DOCK11: variants seen among roughly 807,000 people sequenced by gnomAD.
The protein encoded by DOCK11 is dedicator of cytokinesis protein 11.
In DOCK11, 70 loss-of-function variants were observed where a neutral mutation model predicts 169.1. The ratio of observed to expected loss-of-function variants is 0.41; its 90% CI spans 0.34 to 0.51. DOCK11 has a LOEUF of 0.51. DOCK11 is among the 20% of genes least tolerant of loss of function. DOCK11 has a pLI of 0.10. For synonymous variants in DOCK11, 529 were observed against 541.3 expected (o/e 0.98, Z 0.32); for missense variants, 1,166 against 1,538.8 (o/e 0.76, Z 4.05).
chrX:118,539,843 G>A (rs1317020934), intron 1 of DOCK11, among the ~76,000 whole-genome samples: 1 of 109,228 alleles, frequency 9.2e-6, no homozygotes, highest in Non-Finnish European at 1.9e-5. Flanking sequence ...CTGAGCTCAG[G>A]AGTTCGAGAC....
At chrX:118,615,488 T>A (rs1390772535) in intron 29 of DOCK11, 112 bp from the exon 30 acceptor site, 1 of 549,695 alleles carries the variant, frequency 1.8e-6, no homozygotes, top group East Asian at 3.7e-5. Context: ...CATCTCAAGG[T>A]ATGCTTAGAA....
intron 1 of DOCK11, among the ~76,000 whole-genome samples, chrX:118,533,097 T>C (rs2011640450): frequency 9.0e-6 from 1 of 111,227 alleles, no homozygotes; most frequent in African/African-American, 3.3e-5. Context: ...GTTTAAGCGA[T>C]TCTCCCGCTT....
At chrX:118,577,624 A>G (rs993738477) in intron 12 of DOCK11, among the ~76,000 whole-genome samples, 3 of 111,696 alleles carry the variant, frequency 2.7e-5, no homozygotes, top group Non-Finnish European at 5.6e-5. Context: ...CAGGATCCTT[A>G]TAAGCTGTTT....
At position 118,636,375 on chromosome X, in the gene DOCK11, T is replaced by C. The variant is rs1211623206; in HGVS notation, c.3916T>C (p.Ser1306Pro). The change falls in exon 36 of 53, where the codon TCA (serine) becomes CCA (proline). Residue 1306 changes from serine (S) to proline (P), a missense_variant. Physicochemically the swap from Ser to Pro is moderately conservative, Grantham distance 74. Coordinates refer to ENST00000276202, the MANE Select transcript of DOCK11 (RefSeq NM_144658.4). ...DTLLTYWNKV[S>P]PQELINILIL... Reference sequence around the variant, plus strand: ...TCTCTTAACTTACTGGAATAAAGTATCACCTCAGGAGCTCATAAACATTCT... The same window carrying C: ...TCTCTTAACTTACTGGAATAAAGTACCACCTCAGGAGCTCATAAACATTCT... The C allele has an allele frequency of 3.6e-6, 4 of 1,097,464 alleles. No homozygotes were observed. In the African/African-American group the frequency reaches 7.3e-5, roughly 20 times the overall value. The allele number at this position is 1,097,464 out of a possible 1,213,427, so 90.4% of individuals were successfully genotyped here.
chrX:118,546,319 G>T (rs1305771355), intron 6 of DOCK11, among the ~76,000 whole-genome samples: 1 of 107,985 alleles, frequency 9.3e-6, no homozygotes, highest in Non-Finnish European at 1.9e-5. Context: ...GACATATAAT[G>T]TAATGATTAT....
At chrX:118,609,390 T>C in intron 27 of DOCK11, 41 bp downstream of exon 27, 2 of 983,261 alleles carry the variant, frequency 2.0e-6, no homozygotes, top group Non-Finnish European at 2.8e-6. Flanking sequence ...AATTGGCAAA[T>C]GATAATTGTA....
intron 36 of DOCK11, among the ~76,000 whole-genome samples, chrX:118,636,828 TAC>T (rs765702693): frequency 0.11 from 10,729 of 99,708 alleles, 438 homozygotes; most frequent in Middle Eastern, 0.15. Flanking sequence ...TATTTGTGTG[TAC>T]ACACACACAC....
At chrX:118,513,337 G>A (rs1434323475) in intron 1 of DOCK11, among the ~76,000 whole-genome samples, 1 of 112,432 alleles carries the variant, frequency 8.9e-6, no homozygotes, top group African/African-American at 3.2e-5. Flanking sequence ...CCAGTGGCCT[G>A]GGTGCCAAGG....
At chrX:118,527,967 T>A (rs1333934755) in intron 1 of DOCK11, among the ~76,000 whole-genome samples, 3 of 112,789 alleles carry the variant, frequency 2.7e-5, no homozygotes, top group Non-Finnish European at 5.6e-5. Context: ...CCAAAAGGTA[T>A]TGGCTGCCAA....
At chrX:118,674,603 A>G (rs1421939487) in intron 46 of DOCK11, among the ~76,000 whole-genome samples, 1 of 112,230 alleles carries the variant, frequency 8.9e-6, no homozygotes, top group African/African-American at 3.2e-5. Context: ...CCTTTTGTCT[A>G]TTATGAATAG....
At chrX:118,575,940 TCTC>T (rs1266397033) in intron 12 of DOCK11, among the ~76,000 whole-genome samples, 1 of 111,715 alleles carries the variant, frequency 9.0e-6, no homozygotes, top group African/African-American at 3.3e-5. Context: ...TTAAAAAAGA[TCTC>T]CTGTGTGCCA....
chrX:118,546,210 CAA>C lies in DOCK11; in HGVS notation c.558+114_558+115del, dbSNP rs1556269491. On this transcript the variant is annotated intron_variant, in intron 6 of 52. Coordinates refer to ENST00000276202, the MANE Select transcript of DOCK11 (RefSeq NM_144658.4). The stretch of plus-strand genomic sequence containing the variant: ...ATATTTATTTTACAAAGAGCCCTAG[CAA>C]AAAAAAAAAAAAAAAAAAAGGAGAG... The C allele has an allele frequency of 6.5e-3, 316 of 48,563 alleles. 3 individuals are homozygous for C. Among genetic ancestry groups the C allele is most frequent in the East Asian group, 0.023 (45 of 1,998 alleles). The allele number at this position is 48,563 out of a possible 1,213,427, so 4.0% of individuals were successfully genotyped here.
intron 1 of DOCK11, among the ~76,000 whole-genome samples, chrX:118,537,982 C>T (rs752874923): frequency 2.7e-5 from 3 of 111,896 alleles, no homozygotes; most frequent in South Asian, 7.4e-4. Context: ...GAGTAAGCAA[C>T]GGAAAAGTGT....
intron 6 of DOCK11, among the ~76,000 whole-genome samples, chrX:118,549,332 A>T (rs191299820): frequency 9.3e-6 from 1 of 107,880 alleles, no homozygotes; most frequent in Non-Finnish European, 1.9e-5. Flanking sequence ...TTTATTAGAG[A>T]CGGGGTCTCA....
intron 1 of DOCK11, among the ~76,000 whole-genome samples, chrX:118,502,406 C>T (rs1255192969): frequency 8.9e-6 from 1 of 112,165 alleles, no homozygotes; most frequent in African/African-American, 3.2e-5. Flanking sequence ...AAAATTCACT[C>T]TTCACAAAGC....
At chrX:118,611,955 G>A (rs1422279687) in intron 28 of DOCK11, among the ~76,000 whole-genome samples, 1 of 111,753 alleles carries the variant, frequency 8.9e-6, no homozygotes, top group Admixed American at 9.5e-5. Context: ...ATGTTGGCCT[G>A]GCTGGTCTTG....
At chrX:118,564,623 C>T (rs970009089) in intron 7 of DOCK11, among the ~76,000 whole-genome samples, 1 of 111,631 alleles carries the variant, frequency 9.0e-6, no homozygotes, top group African/African-American at 3.3e-5. Context: ...TTTTTTCTTT[C>T]TTTTTTACCA....
In DOCK11 at chrX:118,643,531, A is replaced by T; in HGVS notation, c.4335A>T (p.Lys1445Asn). 8.3e-7 allele frequency: 1 copy of T among 1,211,364 alleles called. No individual in the cohort carries two copies. The highest frequency in any genetic ancestry group is 1.1e-6 in the Non-Finnish European group (1 of 895,138). ...KVFDIHLAFL[K>N]NGQSEVSLKH... ...TTGATATACATCTTGCTTTTCTTAA[A>T]AATGGACAATCTGAAGTGTCGCTGA... Residue 1445 changes from lysine to asparagine, a missense_variant, in exon 40 of 53, where the codon AAA becomes AAT. Coordinates refer to ENST00000276202, the MANE Select transcript of DOCK11 (RefSeq NM_144658.4).
At chrX:118,584,504 T>G (rs533288124) in intron 14 of DOCK11, among the ~76,000 whole-genome samples, 3 of 112,378 alleles carry the variant, frequency 2.7e-5, no homozygotes, top group East Asian at 2.8e-4. Context: ...TTTATATAAA[T>G]TTTTGTTAAA....
Sources: gnomAD v4.1 joint callset for allele counts (sites outside exome capture counted in the v4.1 genomes callset) on GRCh38, gnomAD v4.1.1 for gene constraint, MANE v1.5 for transcripts, NCBI Gene and HGNC (gene_info 2026-07-23, HGNC 2026-07-21) for gene names.